Variants in STT3B observed in about 807,000 individuals in gnomAD.
STT3B encodes STT3 oligosaccharyltransferase complex catalytic subunit B.
A neutral mutation model predicts 96.8 loss-of-function variants in STT3B; 29 were observed. That is an observed-to-expected ratio of 0.30 (90% CI 0.22 to 0.41). The LOEUF (loss-of-function observed/expected upper bound fraction) is 0.41, where lower values mean the gene tolerates loss of function less well. Among genes scored for constraint, STT3B ranks in the 10% least tolerant of loss-of-function variants. The probability of loss-of-function intolerance (pLI) is 1.00; values close to 1 mark genes in which losing one functional copy is unlikely to be tolerated. For synonymous variants in STT3B, 367 were observed against 360.0 expected, an observed-to-expected ratio of 1.02 and a Z score of -0.22; for missense variants, 640 against 1,022.3, an observed-to-expected ratio of 0.63 and a Z score of 5.10.
intron 13 of STT3B, among the ~76,000 whole-genome samples, chr3:31,628,173 A>G (rs1276261975): frequency 7.9e-6 from 1 of 126,028 alleles, no homozygotes; most frequent in African/African-American, 3.0e-5. Context: ...ATTTCAAAAC[A>G]TGGTGTACAC....
intron 6 of STT3B, among the ~76,000 whole-genome samples, chr3:31,615,840 A>C (rs1217330126): frequency 1.3e-5 from 2 of 151,946 alleles, no homozygotes; most frequent in African/African-American, 2.4e-5. Flanking sequence ...TTTAAAAATT[A>C]ATATTCTAGA....
At chr3:31,570,710 A>G (rs1322655826) in intron 1 of STT3B, among the ~76,000 whole-genome samples, 2 of 152,206 alleles carry the variant, frequency 1.3e-5, no homozygotes, top group Non-Finnish European at 2.9e-5. Flanking sequence ...GCAATAGGGA[A>G]GAGACATCTA....
chr3:31,539,785 A>G (rs2125434170), intron 1 of STT3B, among the ~76,000 whole-genome samples: 1 of 152,270 alleles, frequency 6.6e-6, no homozygotes, highest in Non-Finnish European at 1.5e-5. Context: ...GGAAAAGATG[A>G]TCAAATCCAA....
At chr3:31,548,864 C>G (rs1157173834) in intron 1 of STT3B, among the ~76,000 whole-genome samples, 1 of 152,148 alleles carries the variant, frequency 6.6e-6, no homozygotes, top group Non-Finnish European at 1.5e-5. Context: ...AATTACACTT[C>G]TAAGCAAAAT....
intron 1 of STT3B, among the ~76,000 whole-genome samples, chr3:31,559,146 G>GGTGTGT (rs55707310): frequency 2.8e-3 from 325 of 116,512 alleles, no homozygotes; most frequent in African/African-American, 4.3e-3. Flanking sequence ...TGATTCTTGG[G>GGTGTGT]GTGTGTGTGT....
At position 31,617,065 on chromosome 3, in the gene STT3B, G is replaced by C. The variant is rs748686430; in HGVS notation, c.1113G>C (p.Leu371Phe). ...CTGTGTTCCTTAGTGTCATCTATTT[G>C]ACTTATACAGGTACGTGTTATCACC... ...AGAVFLSVIY[L>F]TYTGYIAPWS... Residue 371 changes from leucine (L) to phenylalanine (F), a missense_variant, in exon 7 of 16, where the codon TTG becomes TTC. Coordinates refer to ENST00000295770, the MANE Select transcript of STT3B (RefSeq NM_178862.3). The C allele has an allele frequency of 6.2e-7, 1 of 1,604,984 alleles. No individual in the cohort carries two copies. The highest frequency in any genetic ancestry group is 1.3e-5 in the African/African-American group (1 of 74,854).
At chr3:31,605,670 T>G (rs550935966) in intron 5 of STT3B, among the ~76,000 whole-genome samples, 1 of 152,332 alleles carries the variant, frequency 6.6e-6, no homozygotes, top group Non-Finnish European at 1.5e-5. Context: ...TCTTTTTCTT[T>G]ATAAATTACC....
At chr3:31,560,979 CAA>C (rs1430222591) in intron 1 of STT3B, among the ~76,000 whole-genome samples, 1 of 151,898 alleles carries the variant, frequency 6.6e-6, no homozygotes, top group Admixed American at 6.6e-5. Flanking sequence ...TAGGTTATTT[CAA>C]AAGACTTGTC....
chr3:31,600,315 A>G (rs1173184994), intron 4 of STT3B, 45 bp from the exon 5 acceptor site: 3 of 878,522 alleles, frequency 3.4e-6, no homozygotes, highest in Non-Finnish European at 5.3e-6. Context: ...TACTTATTTT[A>G]AAAAGTAAAA....
rs1052530221 is a variant in STT3B, at chr3:31,533,476, G to C, written c.314+164G>C. ...TCCCGGAGCTCCGGGCGCGCCCCCT[G>C]CCCGTGGGCGAAGTTTGCCCCGTGC... On this transcript the variant is annotated intron_variant, in intron 1 of 15. Coordinates refer to ENST00000295770, the MANE Select transcript of STT3B (RefSeq NM_178862.3). 4.6e-6 allele frequency: 4 copies of C among 867,654 alleles called. No individual in the cohort carries two copies. In the African/African-American group the frequency reaches 7.2e-5, roughly 16 times the overall value. 53.7% of individuals were successfully genotyped at this position (867,654 alleles called of 1,614,324 possible).
In STT3B at chr3:31,576,492, A is replaced by G; in HGVS notation, c.411A>G (p.Ile137Met). The G allele has an allele frequency of 6.4e-7, 1 of 1,565,312 alleles. No individual in the cohort carries two copies. The highest frequency in any genetic ancestry group is 8.7e-7 in the Non-Finnish European group (1 of 1,143,424). ...DERAWYPLGR[I>M]VGGTVYPGLM... is the part of the protein sequence containing the mutation. Reference sequence around the variant, plus strand: ...GAGCATGGTATCCACTAGGAAGAATAGTAGGTGGTACTGTAAGTATATTAG... The same window carrying G: ...GAGCATGGTATCCACTAGGAAGAATGGTAGGTGGTACTGTAAGTATATTAG... The change falls in exon 2 of 16, where the codon ATA becomes ATG. Residue 137 changes from isoleucine (I) to methionine (M), a missense_variant. Transcript: ENST00000295770.
chr3:31,635,593 T>C (rs1378899962), intron 15 of STT3B, among the ~76,000 whole-genome samples: 1 of 152,192 alleles, frequency 6.6e-6, no homozygotes, highest in Non-Finnish European at 1.5e-5. Context: ...TAACGTGTTT[T>C]TCTGGCACAC....
chr3:31,551,916 A>T (rs952629576), intron 1 of STT3B, among the ~76,000 whole-genome samples: 13 of 152,164 alleles, frequency 8.5e-5, no homozygotes, highest in African/African-American at 3.1e-4. Context: ...TGATGTTTCC[A>T]CCAACAGCCA....
chr3:31,599,104 C>T (rs1698864463), intron 4 of STT3B, among the ~76,000 whole-genome samples: 1 of 152,278 alleles, frequency 6.6e-6, no homozygotes, highest in African/African-American at 2.4e-5. Flanking sequence ...CCAATGTGCC[C>T]AGCCACCTAC....
intron 1 of STT3B, among the ~76,000 whole-genome samples, chr3:31,553,689 AT>A (rs1559362819): frequency 1.3e-5 from 2 of 152,174 alleles, no homozygotes; most frequent in Non-Finnish European, 2.9e-5. Flanking sequence ...AAACATGTCA[AT>A]TGGTGTATTT....
At chr3:31,616,762 G>A (rs1211339050) in intron 6 of STT3B, among the ~76,000 whole-genome samples, 167 bp from the exon 7 acceptor site, 2 of 151,496 alleles carry the variant, frequency 1.3e-5, no homozygotes, top group African/African-American at 2.4e-5. Context: ...TTTTTTGGAT[G>A]TATTAATTAG....
chr3:31,630,607 T>G (rs1301155583), intron 14 of STT3B, among the ~76,000 whole-genome samples: 1 of 152,186 alleles, frequency 6.6e-6, no homozygotes, highest in Non-Finnish European at 1.5e-5. Flanking sequence ...ATTTTTATCT[T>G]CATACTATTA....
At chr3:31,634,491 A>G (rs758672036) in intron 15 of STT3B, among the ~76,000 whole-genome samples, 2 of 152,216 alleles carry the variant, frequency 1.3e-5, no homozygotes, top group Non-Finnish European at 2.9e-5. Flanking sequence ...GTGGTGGCCA[A>G]TAACATATTT....
rs540782850 is a variant in STT3B at position 31,576,451 on chromosome 3, A to C, written c.370A>C (p.Asn124His). Residue 124 changes from asparagine (N) to histidine (H), a missense_variant, in exon 2 of 16, where the codon AAT (asparagine) becomes CAT (histidine). Coordinates refer to ENST00000295770, the MANE Select transcript of STT3B (RefSeq NM_178862.3). ...LASHGFYEFL[N>H]WFDERAWYPL... ...ATCTCATGGGTTCTATGAATTTTTAAATTGGTTTGATGAAAGAGCATGGTA... is the reference window on the plus strand; with the variant it reads ...ATCTCATGGGTTCTATGAATTTTTACATTGGTTTGATGAAAGAGCATGGTA... The C allele has an allele frequency of 3.7e-6, 6 of 1,606,580 alleles. No individual in the cohort carries two copies. Among genetic ancestry groups the C allele is most frequent in the Non-Finnish European group, 5.1e-6 (6 of 1,175,744 alleles).
Sources: gnomAD v4.1 joint callset for allele counts (sites outside exome capture counted in the v4.1 genomes callset) on GRCh38, gnomAD v4.1.1 for gene constraint, MANE v1.5 for transcripts, NCBI Gene and HGNC (gene_info 2026-07-23, HGNC 2026-07-21) for gene names.